Variants in EPB41 observed in about 807,000 individuals in gnomAD.
EPB41 encodes the protein protein 4.1.
A neutral mutation model predicts 108.0 loss-of-function variants in EPB41; 65 were observed. The ratio of observed to expected loss-of-function variants is 0.60; its 90% confidence interval spans 0.49 to 0.74. The LOEUF is 0.74. EPB41 is among the 30% of genes least tolerant of loss of function. The pLI, the probability that EPB41 is intolerant of heterozygous loss-of-function variation, is 0.00. For missense variants in EPB41, 875 were observed against 1,037.0 expected (o/e 0.84, Z 2.15); for synonymous variants, 336 against 358.9 (o/e 0.94, Z 0.72).
Position 29,000,214 on chromosome 1 carries a change from T to A in EPB41, c.786+2895T>A, listed in dbSNP as rs145598060. Among the ~76,000 whole-genome samples the A allele has an allele frequency of 7.1e-3, 1,089 of 152,318 alleles. 16 individuals are homozygous for A. The highest frequency in any genetic ancestry group is 0.023 in the African/African-American group (939 of 41,574). On this transcript the variant is annotated intron_variant, in intron 4 of 20. Coordinates refer to ENST00000343067, the MANE Select transcript of EPB41 (RefSeq NM_001376013.1). ...CCTGGGCTCAAGCAATTCTCCTGCCTCAGCCTCCCAAGTAGCTGGGATTAC... is the reference window on the plus strand; with the variant it reads ...CCTGGGCTCAAGCAATTCTCCTGCCACAGCCTCCCAAGTAGCTGGGATTAC...
intron 11 of EPB41, among the ~76,000 whole-genome samples, chr1:29,046,329 C>T (rs761589115): frequency 6.6e-6 from 1 of 151,894 alleles, no homozygotes; most frequent in Admixed American, 6.6e-5. Context: ...AGGTTTCACC[C>T]TGTTGGTCAG....
Position 28,919,610 on chromosome 1 carries a change from T to C in EPB41, c.-8+4842T>C, listed in dbSNP as rs572598136. Among the ~76,000 whole-genome samples, 8 of 152,112 alleles carry C rather than the reference T, an allele frequency of 5.3e-5. No homozygotes were observed. In the East Asian group the frequency reaches 1.5e-3, roughly 29 times the overall value. ...TCCTGAGTAGCTGGGACTACAGGCA[T>C]GCACGGCTAATTTTTGTATTCTTTG... On this transcript the variant is annotated intron_variant, in intron 1 of 20. Coordinates refer to ENST00000343067, the MANE Select transcript of EPB41 (RefSeq NM_001376013.1).
chr1:29,076,562 A>T (rs1374171613), intron 16 of EPB41, among the ~76,000 whole-genome samples: 1 of 152,202 alleles, frequency 6.6e-6, no homozygotes, highest in African/African-American at 2.4e-5. Flanking sequence ...ACCTTTACAT[A>T]CTGGAGTTGT....
rs555102957 is a variant in EPB41, at chr1:29,050,792, C to T, written c.1637-2312C>T. Among the ~76,000 whole-genome samples, 4 of 152,124 alleles carry T rather than the reference C, an allele frequency of 2.6e-5. No individual in the cohort carries two copies. The East Asian group carries it at 7.8e-4, about 30-fold the overall frequency. On this transcript the variant is annotated intron_variant, in intron 11 of 20. Transcript: ENST00000343067. ...CTGGGTTCAGGCCATTCACCTGCCT[C>T]AGCCTCCCAAGTAACTGGGACTACA...
intron 18 of EPB41, among the ~76,000 whole-genome samples, chr1:29,111,386 GTGGCTCACAC>G (rs1669092869): frequency 6.6e-6 from 1 of 151,890 alleles, no homozygotes; most frequent in Admixed American, 6.6e-5. Flanking sequence ...GCTGGGCGCG[GTGGCTCACAC>G]CTGTAATCCC....
chr1:28,912,683 C>T (rs1168102404), upstream of EPB41, among the ~76,000 whole-genome samples: 20 of 151,826 alleles, frequency 1.3e-4, no homozygotes, highest in Non-Finnish European at 1.5e-5. Context: ...ATGGCATGAT[C>T]TCGGCTCTCT....
rs114053384 is a variant in EPB41, at chr1:28,984,281, G to A, written c.-7-3150G>A. Reference sequence around the variant, plus strand: ...ATATAAAGTCTCACTTTGGGCTGCAGTCTCATGCTTTTCTGTTTGAGGGTA... The same window carrying A: ...ATATAAAGTCTCACTTTGGGCTGCAATCTCATGCTTTTCTGTTTGAGGGTA... On this transcript the variant is annotated intron_variant, in intron 1 of 20. Transcript: ENST00000343067. Among the ~76,000 whole-genome samples, 574 of 152,286 alleles carry A rather than the reference G, an allele frequency of 3.8e-3. 6 individuals carry two copies. Among genetic ancestry groups the A allele is most frequent in the African/African-American group, 0.013 (532 of 41,562 alleles).
At position 28,987,702 on chromosome 1, in the gene EPB41, A is replaced by G; in HGVS notation, c.265A>G (p.Arg89Gly). The G allele has an allele frequency of 6.2e-7, 1 of 1,614,228 alleles. No homozygotes were observed. Among genetic ancestry groups the G allele is most frequent in the Non-Finnish European group, 8.5e-7 (1 of 1,180,038 alleles). Residue 89 changes from arginine to glycine, a missense_variant, in exon 2 of 21, where the codon AGG becomes GGG. Transcript: ENST00000343067. ...ACGACTATTCTCCTCGTTTCTCAAA[A>G]GGCCCAAATCTCAGGTGTCCGAGGA... ...LSRLFSSFLK[R>G]PKSQVSEEEG...
chr1:29,116,150 CTTTT>C (rs537469371), intron 20 of EPB41, among the ~76,000 whole-genome samples: 1 of 113,770 alleles, frequency 8.8e-6, no homozygotes. Context: ...ACAGGTCTCT[CTTTT>C]TTTTTTTTTT....
chr1:29,033,558 G>T (rs1384701615), intron 9 of EPB41, among the ~76,000 whole-genome samples: 1 of 152,146 alleles, frequency 6.6e-6, no homozygotes, highest in East Asian at 1.9e-4. Flanking sequence ...AGTAGCATGA[G>T]ATTTTAAAAT....
chr1:29,096,381 A>G, intron 16 of EPB41: 4 of 985,948 alleles, frequency 4.1e-6, no homozygotes, highest in Non-Finnish European at 4.8e-6. Flanking sequence ...GATATTAAGG[A>G]GATGCCAAGA....
intron 16 of EPB41, chr1:29,096,343 G>A (rs1233447801): frequency 1.0e-6 from 1 of 985,862 alleles, no homozygotes; most frequent in Non-Finnish European, 1.2e-6. Context: ...AGACAGAAGA[G>A]AAGGAGGAGG....
At chr1:29,073,817 G>A (rs920855183) in intron 16 of EPB41, among the ~76,000 whole-genome samples, 7 of 152,138 alleles carry the variant, frequency 4.6e-5, no homozygotes, top group African/African-American at 9.7e-5. Context: ...TGCTGACTCT[G>A]TTGATTAAGA....
At chr1:28,938,330 T>G (rs1273502304) in intron 1 of EPB41, among the ~76,000 whole-genome samples, 2 of 152,226 alleles carry the variant, frequency 1.3e-5, no homozygotes, top group African/African-American at 4.8e-5. Flanking sequence ...TTCTAATCTA[T>G]GAACATGGGA....
intron 1 of EPB41, among the ~76,000 whole-genome samples, chr1:28,921,486 C>T (rs1298523231): frequency 1.3e-5 from 2 of 152,070 alleles, no homozygotes; most frequent in African/African-American, 4.8e-5. Flanking sequence ...AGGATTTAAG[C>T]CCTCAAATTT....
At chr1:29,095,053 T>C (rs935449576) in intron 16 of EPB41, among the ~76,000 whole-genome samples, 1 of 152,222 alleles carries the variant, frequency 6.6e-6, no homozygotes, top group Admixed American at 6.5e-5. Context: ...AGTCTGTACA[T>C]GTTCAGCATA....
intron 1 of EPB41, among the ~76,000 whole-genome samples, chr1:28,980,755 C>T (rs2095718294): frequency 1.3e-5 from 2 of 150,748 alleles, no homozygotes; most frequent in African/African-American, 2.4e-5. Flanking sequence ...GTATTATTTG[C>T]CTGCATTGGC....
At chr1:28,890,972 G>A in intron 1 of EPB41, 1 of 985,484 alleles carries the variant, frequency 1.0e-6, no homozygotes, top group African/African-American at 1.7e-5. Context: ...GGGAACTGGG[G>A]AACAAGCTGT....
chr1:28,960,450 A>G (rs988269197), intron 1 of EPB41, among the ~76,000 whole-genome samples: 2 of 150,884 alleles, frequency 1.3e-5, no homozygotes, highest in African/African-American at 4.9e-5. Flanking sequence ...ATAACTGGCC[A>G]GGCATAGTGG....
Sources: allele counts gnomAD v4.1 joint callset (sites outside exome capture counted in the v4.1 genomes callset), GRCh38; gene constraint gnomAD v4.1.1; transcripts MANE v1.5; gene names NCBI Gene and HGNC (gene_info 2026-07-23, HGNC 2026-07-21).